DPH6: variants seen among roughly 807,000 people sequenced by gnomAD.
DPH6 encodes diphthine--ammonia ligase.
In DPH6, 33 loss-of-function variants were observed where a neutral mutation model predicts 38.2. The ratio of observed to expected loss-of-function variants is 0.86; its 90% CI spans 0.65 to 1.15. The LOEUF (loss-of-function observed/expected upper bound fraction) is 1.15. Among genes scored for constraint, DPH6 ranks in the 50% most tolerant of loss-of-function variants. The probability of loss-of-function intolerance (pLI) is 0.00; values close to 1 mark genes in which losing one functional copy is unlikely to be tolerated. For synonymous variants in DPH6, 108 were observed against 103.0 expected (o/e 1.05, Z -0.30); for missense variants, 325 against 320.0 (o/e 1.02, Z -0.12).
intron 5 of DPH6, among the ~76,000 whole-genome samples, chr15:35,441,285 T>C (rs1184778709): frequency 6.6e-6 from 1 of 152,120 alleles, no homozygotes; most frequent in Non-Finnish European, 1.5e-5. Flanking sequence ...AGAAATACCA[T>C]TTGACCCAGC....
intron 3 of DPH6, among the ~76,000 whole-genome samples, chr15:35,323,757 T>C (rs2052259786): frequency 6.6e-6 from 1 of 152,164 alleles, no homozygotes; most frequent in African/African-American, 2.4e-5. Context: ...AATAACTAAA[T>C]GCAGCACAAG....
At chr15:35,233,125 TG>T (rs2051529498) in intron 3 of DPH6, among the ~76,000 whole-genome samples, 1 of 152,116 alleles carries the variant, frequency 6.6e-6, no homozygotes, top group South Asian at 2.1e-4. Flanking sequence ...CTGGCCAATG[TG>T]GTGAAACCCC....
Position 35,264,967 on chromosome 15 carries a change from A to T in DPH6, n.201-44385T>A, listed in dbSNP as rs16960738. ...CAGGGTTTGGAGAGTCTTGTCGAAC[A>T]TTCAGAAGGAACTGACTGAAAGTAC... On this transcript the variant is annotated intron_variant and non_coding_transcript_variant, in intron 3 of 3. Coordinates refer to the DPH6 transcript ENST00000560386. 2.9e-3 allele frequency among the ~76,000 whole-genome samples: 449 copies of T among 152,316 alleles called. 17 individuals are homozygous for T. In the East Asian group the frequency reaches 0.074, roughly 25 times the overall value.
chr15:35,427,700 A>C (rs1055622164), intron 5 of DPH6, among the ~76,000 whole-genome samples: 2 of 151,900 alleles, frequency 1.3e-5, no homozygotes, highest in Non-Finnish European at 2.9e-5. Flanking sequence ...TAAACCAGTA[A>C]ATGTAATTTA....
At chr15:35,150,135 G>A in the DPH6 span, among the ~76,000 whole-genome samples, 3,744 of 152,286 alleles carry the variant, frequency 0.025, 83 homozygotes, top group Non-Finnish European at 0.038. Context: ...TAAGGGACCA[G>A]CAAATTGGAA....
At chr15:35,519,635 T>C (rs1450586444) in intron 3 of DPH6, 1 of 152,360 alleles carries the variant, frequency 6.6e-6, no homozygotes, top group African/African-American at 2.4e-5. Flanking sequence ...GGGTCTCTTG[T>C]TTGAACAAAA....
chr15:35,437,210 C>A (rs1047318701), intron 5 of DPH6, among the ~76,000 whole-genome samples: 3 of 152,080 alleles, frequency 2.0e-5, no homozygotes, highest in Non-Finnish European at 4.4e-5. Flanking sequence ...ACCAGGAACG[C>A]CTCGCTCCCC....
intron 6 of DPH6, among the ~76,000 whole-genome samples, chr15:35,385,314 C>G (rs1253689310): frequency 6.6e-6 from 1 of 152,188 alleles, no homozygotes; most frequent in African/African-American, 2.4e-5. Context: ...AAGACACATG[C>G]ACACGTATGT....
chr15:35,403,964 G>T (rs2053256552), intron 6 of DPH6, among the ~76,000 whole-genome samples: 1 of 151,878 alleles, frequency 6.6e-6, no homozygotes, highest in African/African-American at 2.4e-5. Flanking sequence ...ACAAATAAGT[G>T]ACAATGTGTG....
At chr15:35,294,031 C>T (rs192431929) in intron 3 of DPH6, among the ~76,000 whole-genome samples, 80 of 152,320 alleles carry the variant, frequency 5.3e-4, no homozygotes, top group Admixed American at 1.3e-3. Flanking sequence ...GTTGTTTGCT[C>T]CAACTTTGAC....
At chr15:35,515,924 T>C (rs1451062045) in intron 3 of DPH6, among the ~76,000 whole-genome samples, 1 of 152,028 alleles carries the variant, frequency 6.6e-6, no homozygotes, top group South Asian at 2.1e-4. Flanking sequence ...AAATTCTTGG[T>C]GATACGTCCG....
intron 5 of DPH6, among the ~76,000 whole-genome samples, chr15:35,434,064 T>A (rs1416978639): frequency 6.6e-6 from 1 of 152,290 alleles, no homozygotes; most frequent in East Asian, 1.9e-4. Context: ...AATGTTTATA[T>A]CCATCTCTAC....
intron 6 of DPH6, among the ~76,000 whole-genome samples, chr15:35,397,325 T>A (rs981592323): frequency 2.6e-5 from 4 of 152,344 alleles, no homozygotes; most frequent in African/African-American, 7.2e-5. Context: ...TCACAATTTT[T>A]AAAAATATAA....
At chr15:35,522,839 A>G (rs2054941141) in intron 3 of DPH6, among the ~76,000 whole-genome samples, 2 of 152,182 alleles carry the variant, frequency 1.3e-5, no homozygotes, top group Admixed American at 6.6e-5. Flanking sequence ...GTACTTACAC[A>G]AATGCATTGT....
At chr15:35,533,107 C>G (rs2055113531) in intron 3 of DPH6, among the ~76,000 whole-genome samples, 1 of 70,832 alleles carries the variant, frequency 1.4e-5, no homozygotes, top group Admixed American at 1.9e-4. Context: ...CACTCAGTCT[C>G]GAAAAAAAAA....
intron 3 of DPH6, chr15:35,237,438 C>G: frequency 1.2e-6 from 2 of 1,605,058 alleles, no homozygotes; most frequent in South Asian, 2.2e-5. Flanking sequence ...GAAGGCCTCA[C>G]AGATGAATCT....
At chr15:35,357,524 A>T (rs560083987) in intron 3 of DPH6, among the ~76,000 whole-genome samples, 1 of 152,298 alleles carries the variant, frequency 6.6e-6, no homozygotes, top group South Asian at 2.1e-4. Flanking sequence ...TTGTGTTTTC[A>T]GGATTTATTT....
intron 3 of DPH6, among the ~76,000 whole-genome samples, chr15:35,251,460 G>T (rs796976857): frequency 6.6e-6 from 1 of 152,082 alleles, no homozygotes; most frequent in Non-Finnish European, 1.5e-5. Flanking sequence ...GGCTGATCAT[G>T]TCATTCTCAT....
At chr15:35,383,722 A>G (rs747284614) in intron 6 of DPH6, among the ~76,000 whole-genome samples, 3 of 152,190 alleles carry the variant, frequency 2.0e-5, no homozygotes, top group Admixed American at 6.5e-5. Context: ...AATCCTTACA[A>G]TATCTTCTGT....
Sources: gnomAD v4.1 joint callset for allele counts (sites outside exome capture counted in the v4.1 genomes callset) on GRCh38, gnomAD v4.1.1 for gene constraint, MANE v1.5 for transcripts, NCBI Gene and HGNC (gene_info 2026-07-23, HGNC 2026-07-21) for gene names.